FRMPD1: variants seen among roughly 807,000 people sequenced by gnomAD.
The protein encoded by FRMPD1 is FERM and PDZ domain-containing protein 1.
In FRMPD1, 76 loss-of-function variants were observed where a neutral mutation model predicts 117.8. The ratio of observed to expected loss-of-function variants is 0.65; its 90% CI spans 0.54 to 0.78. FRMPD1 has a LOEUF of 0.78. FRMPD1 is among the 30% of genes least tolerant of loss of function. The pLI, the probability that FRMPD1 is intolerant of heterozygous loss-of-function variation, is 0.00. For missense variants in FRMPD1, 1,786 were observed against 1,964.5 expected (o/e 0.91, Z 1.72); for synonymous variants, 783 against 770.4 (o/e 1.02, Z -0.27).
chr9:37,702,777 A>G (rs977719848), intron 2 of FRMPD1, among the ~76,000 whole-genome samples: 3 of 152,020 alleles, frequency 2.0e-5, no homozygotes, highest in Non-Finnish European at 4.4e-5. Flanking sequence ...GGAAGGGTAA[A>G]CCATAGCTTA....
At chr9:37,608,381 T>C in the FRMPD1 span, among the ~76,000 whole-genome samples, 6 of 98,518 alleles carry the variant, frequency 6.1e-5, no homozygotes, top group Non-Finnish European at 1.2e-4. Flanking sequence ...TCTTTCTCTT[T>C]CTTTCTTTTT....
chr9:37,723,579 C>T (rs1301331748), intron 6 of FRMPD1, among the ~76,000 whole-genome samples: 1 of 152,194 alleles, frequency 6.6e-6, no homozygotes, highest in Non-Finnish European at 1.5e-5. Context: ...TACAACAGGC[C>T]AGGCATGGTG....
Position 37,732,455 on chromosome 9 carries a change from A to G in FRMPD1, c.995+15A>G. On this transcript the variant is annotated intron_variant, in intron 10 of 15. Transcript: ENST00000377765. ...AAGTATATAGAGTGAGTGGCAGGGGATGGCAGCTGCATTGCATTTATAACT... is the reference window on the plus strand; with the variant it reads ...AAGTATATAGAGTGAGTGGCAGGGGGTGGCAGCTGCATTGCATTTATAACT... The G allele has an allele frequency of 6.3e-7, 1 of 1,585,852 alleles. No homozygotes were observed. The highest frequency in any genetic ancestry group is 8.6e-7 in the Non-Finnish European group (1 of 1,165,160).
chr9:37,659,925 A>C (rs1017073862), intron 1 of FRMPD1, among the ~76,000 whole-genome samples: 5 of 150,282 alleles, frequency 3.3e-5, no homozygotes, highest in East Asian at 1.9e-4. Flanking sequence ...TAAAAAAAAA[A>C]AAAAAAAAAC....
intron 5 of FRMPD1, among the ~76,000 whole-genome samples, chr9:37,716,175 G>A (rs372584615): frequency 6.6e-6 from 1 of 152,134 alleles, no homozygotes; most frequent in African/African-American, 2.4e-5. Flanking sequence ...TAACATTTTC[G>A]CAGGCTCAAT....
intron 1 of FRMPD1, among the ~76,000 whole-genome samples, chr9:37,685,618 C>A (rs780388839): frequency 6.6e-6 from 1 of 151,982 alleles, no homozygotes; most frequent in Admixed American, 6.5e-5. Flanking sequence ...TGCCACTGCA[C>A]TACAGCCTAG....
At chr9:37,647,134 A>G (rs531635509), upstream of FRMPD1, among the ~76,000 whole-genome samples, 1 of 152,306 alleles carries the variant, frequency 6.6e-6, no homozygotes, top group African/African-American at 2.4e-5. Flanking sequence ...TTCTTGCTAT[A>G]TCTTGTTCTA....
chr9:37,677,116 G>A (rs1821556844), intron 1 of FRMPD1, among the ~76,000 whole-genome samples: 1 of 152,146 alleles, frequency 6.6e-6, no homozygotes, highest in South Asian at 2.1e-4. Context: ...GAGTCTAGGG[G>A]CCCGCAAACC....
At position 37,711,850 on chromosome 9, in the gene FRMPD1, A is replaced by G. The variant is rs537808419; in HGVS notation, c.408+455A>G. 2.0e-5 allele frequency among the ~76,000 whole-genome samples: 3 copies of G among 152,302 alleles called. 1 individual carries two copies. The South Asian group carries it at 6.2e-4, about 32-fold the overall frequency. ...TTTTATCAGCTCTGAGGCTCACCAC[A>G]CGGCAAGGTGTGGCATAGATGATGC... On this transcript the variant is annotated intron_variant, in intron 5 of 15. Coordinates refer to ENST00000377765, the MANE Select transcript of FRMPD1 (RefSeq NM_014907.3).
intron 1 of FRMPD1, among the ~76,000 whole-genome samples, chr9:37,685,561 A>T (rs1821904072): frequency 6.6e-6 from 1 of 151,918 alleles, no homozygotes; most frequent in African/African-American, 2.4e-5. Context: ...CTGAGGCAGG[A>T]GAATGGCGTG....
intron 6 of FRMPD1, among the ~76,000 whole-genome samples, chr9:37,724,019 A>T (rs573866706): frequency 1.3e-5 from 2 of 151,854 alleles, no homozygotes; most frequent in East Asian, 1.9e-4. Context: ...AAAAATAAAA[A>T]AAAATAAAAG....
chr9:37,622,366 A>G, the FRMPD1 span, among the ~76,000 whole-genome samples: 1 of 152,364 alleles, frequency 6.6e-6, no homozygotes, highest in African/African-American at 2.4e-5. Flanking sequence ...TGTTCGTTAC[A>G]CACACAGATG....
chr9:37,645,514 AAAAAAAGGT>A, the FRMPD1 span, among the ~76,000 whole-genome samples: 2 of 152,200 alleles, frequency 1.3e-5, no homozygotes, highest in Non-Finnish European at 2.9e-5. Context: ...CTACCACTAA[AAAAAAAGGT>A]AAAAATAGAT....
At chr9:37,730,150 G>C (rs893874664) in intron 8 of FRMPD1, among the ~76,000 whole-genome samples, 2 of 152,292 alleles carry the variant, frequency 1.3e-5, no homozygotes, top group Middle Eastern at 3.4e-3. Flanking sequence ...ATAGAACCCT[G>C]ATCTTTTGCT....
At position 37,744,594 on chromosome 9, in the gene FRMPD1, G is replaced by C. The variant is rs756259471; in HGVS notation, c.2562G>C (p.Leu854=). The change falls in exon 16 of 16, where the codon CTG becomes CTC. Residue 854 remains leucine, a synonymous_variant. Transcript: ENST00000377765. ...ACACCTCTCAGGTCTCATTTCCCCT[G>C]GTGCCATCAGCCTCCCTGGAGAGTG... The part of the protein sequence containing the change: ...TDYTSQVSFP[L]VPSASLESVD... The C allele has an allele frequency of 8.7e-6, 14 of 1,614,054 alleles. No individual in the cohort carries two copies. Among genetic ancestry groups the C allele is most frequent in the Non-Finnish European group, 1.2e-5 (14 of 1,179,968 alleles).
At chr9:37,741,849 G>A (rs570847510) in intron 15 of FRMPD1, among the ~76,000 whole-genome samples, 5 of 152,226 alleles carry the variant, frequency 3.3e-5, no homozygotes, top group Admixed American at 1.3e-4. Context: ...TCCCCAGATC[G>A]TGGCTGATGG....
the FRMPD1 span, among the ~76,000 whole-genome samples, chr9:37,608,369 CTTCTTTCTCT>C: frequency 7.1e-6 from 1 of 141,218 alleles, no homozygotes; most frequent in Non-Finnish European, 1.5e-5. Flanking sequence ...CTTTCTTTCT[CTTCTTTCTCT>C]TTCTTTCTTT....
chr9:37,667,822 T>C (rs1125576), intron 1 of FRMPD1, among the ~76,000 whole-genome samples: 40,311 of 151,994 alleles, frequency 0.27, 7,163 homozygotes, highest in African/African-American at 0.49. Flanking sequence ...TGAGCCGGCA[T>C]GAGGGCTGAG....
At chr9:37,648,864 A>C (rs1252686476), upstream of FRMPD1, among the ~76,000 whole-genome samples, 1 of 152,134 alleles carries the variant, frequency 6.6e-6, no homozygotes, top group African/African-American at 2.4e-5. Flanking sequence ...TCCAGCAGGC[A>C]GTTGTGTCTC....
Sources: gnomAD v4.1 joint callset for allele counts (sites outside exome capture counted in the v4.1 genomes callset) on GRCh38, gnomAD v4.1.1 for gene constraint, MANE v1.5 for transcripts, NCBI Gene and HGNC (gene_info 2026-07-23, HGNC 2026-07-21) for gene names.